The following TEX11 variants were observed in gnomAD, a reference collection of about 807,000 sequenced individuals.
TEX11 encodes the protein testis expressed 11, also known as testis-expressed protein 11.
In TEX11, 7 loss-of-function variants were observed where a neutral mutation model predicts 84.4. The observed-to-expected ratio is 0.08, with a 90% CI of 0.05 to 0.16. The LOEUF is 0.16. Among genes scored for constraint, TEX11 ranks in the 10% least tolerant of loss-of-function variants. The pLI is 1.00. For missense variants in TEX11, 551 were observed against 660.5 expected (o/e 0.83, Z 1.82); for synonymous variants, 264 against 222.8 (o/e 1.18, Z -1.64).
At chrX:70,740,616 A>C in intron 11 of TEX11, 85 bp downstream of exon 11, 1 of 608,609 alleles carries the variant, frequency 1.6e-6, no homozygotes. Flanking sequence ...TAAATGCTGA[A>C]GCAAATGTCT....
intron 18 of TEX11, among the ~76,000 whole-genome samples, chrX:70,626,269 G>A (rs1474302193): frequency 9.0e-6 from 1 of 110,771 alleles, no homozygotes; most frequent in Non-Finnish European, 1.9e-5. Flanking sequence ...AAAAATTTAA[G>A]GAGGCTCTCA....
chrX:70,705,760 T>A (rs899994716), intron 13 of TEX11, among the ~76,000 whole-genome samples: 3 of 111,399 alleles, frequency 2.7e-5, no homozygotes, highest in Admixed American at 9.6e-5. Flanking sequence ...CACAATGAGA[T>A]ACCATCTCAC....
intron 28 of TEX11, among the ~76,000 whole-genome samples, chrX:70,547,530 G>A (rs1006377140): frequency 9.0e-6 from 1 of 111,026 alleles, no homozygotes; most frequent in African/African-American, 3.3e-5. Context: ...CTGACAAAGG[G>A]CTAATATCCA....
intron 10 of TEX11, among the ~76,000 whole-genome samples, 162 bp from the exon 11 acceptor site, chrX:70,740,958 A>G (rs1357922646): frequency 8.9e-6 from 1 of 111,778 alleles, no homozygotes; most frequent in Non-Finnish European, 1.9e-5. Flanking sequence ...ATGTCTCATC[A>G]TTATGCTACC....
At chrX:70,790,698 C>A (rs1214197606) in intron 9 of TEX11, among the ~76,000 whole-genome samples, 1 of 111,871 alleles carries the variant, frequency 8.9e-6, no homozygotes, top group Non-Finnish European at 1.9e-5. Context: ...GCAACACCTC[C>A]CAAGGCTCCT....
intron 9 of TEX11, among the ~76,000 whole-genome samples, chrX:70,749,588 T>A (rs1343738086): frequency 2.0e-5 from 2 of 101,918 alleles, no homozygotes; most frequent in Non-Finnish European, 4.0e-5. Context: ...TATTTTGAAA[T>A]ACGTCCCATC....
At chrX:70,795,990 C>T (rs1424349793) in intron 9 of TEX11, among the ~76,000 whole-genome samples, 1 of 111,407 alleles carries the variant, frequency 9.0e-6, no homozygotes, top group Non-Finnish European at 1.9e-5. Flanking sequence ...AAAACATGCC[C>T]TTACCAAATG....
At chrX:70,864,423 C>G (rs1037801930) in intron 4 of TEX11, among the ~76,000 whole-genome samples, 2 of 110,715 alleles carry the variant, frequency 1.8e-5, no homozygotes, top group African/African-American at 6.6e-5. Flanking sequence ...CAGTGGGGGC[C>G]AATATTCAAC....
chrX:70,564,415 T>C (rs1053949234), intron 25 of TEX11, among the ~76,000 whole-genome samples: 76 of 111,213 alleles, frequency 6.8e-4, no homozygotes, highest in African/African-American at 2.4e-3. Flanking sequence ...TATTTTATTA[T>C]TATAATACTT....
At chrX:70,814,153 C>A (rs1310097981) in intron 8 of TEX11, among the ~76,000 whole-genome samples, 1 of 111,793 alleles carries the variant, frequency 8.9e-6, no homozygotes, top group East Asian at 2.8e-4. Flanking sequence ...AGTCAGTCCT[C>A]AGCCAAAAGA....
chrX:70,590,956 T>G (rs1027593820), intron 25 of TEX11, among the ~76,000 whole-genome samples: 1 of 110,518 alleles, frequency 9.0e-6, no homozygotes, highest in Non-Finnish European at 1.9e-5. Context: ...TCCGTGTTGG[T>G]CAGGCTGGCC....
chrX:70,623,611 A>G (rs943054515), intron 20 of TEX11, among the ~76,000 whole-genome samples: 1 of 112,192 alleles, frequency 8.9e-6, no homozygotes, highest in African/African-American at 3.2e-5. Context: ...AATGTTTCAC[A>G]TGTATTAACT....
chrX:70,770,399 A>C (rs2090965107), intron 9 of TEX11, among the ~76,000 whole-genome samples: 1 of 111,760 alleles, frequency 8.9e-6, no homozygotes, highest in Non-Finnish European at 1.9e-5. Context: ...TAAATATAAT[A>C]GTTCTTTTAA....
chrX:70,722,045 C>T (rs1264712124), intron 13 of TEX11, among the ~76,000 whole-genome samples: 1 of 111,629 alleles, frequency 9.0e-6, no homozygotes, highest in East Asian at 2.8e-4. Context: ...GGATATGAGG[C>T]ATATAGTTTC....
chrX:70,855,417 T>C (rs748273731), intron 5 of TEX11, among the ~76,000 whole-genome samples: 83 of 109,794 alleles, frequency 7.6e-4, no homozygotes, highest in Non-Finnish European at 1.4e-3. Context: ...ATACAAAAAA[T>C]TAGCTGGGCG....
chrX:70,712,306 G>T (rs911706325), intron 13 of TEX11, among the ~76,000 whole-genome samples: 11 of 111,532 alleles, frequency 9.9e-5, no homozygotes, highest in Non-Finnish European at 1.9e-4. Context: ...CTTTAAAGTA[G>T]CTTTTTCCAA....
intron 25 of TEX11, among the ~76,000 whole-genome samples, chrX:70,586,419 C>T (rs750761265): frequency 2.7e-5 from 3 of 111,707 alleles, no homozygotes; most frequent in Non-Finnish European, 3.8e-5. Flanking sequence ...AAATCATATA[C>T]CTGATAAGGG....
intron 20 of TEX11, 31 bp from the exon 21 acceptor site, chrX:70,610,574 T>C: frequency 8.5e-7 from 1 of 1,176,347 alleles, no homozygotes. Flanking sequence ...ATTTTCCAAC[T>C]GCTCCAAATC....
intron 14 of TEX11, among the ~76,000 whole-genome samples, chrX:70,679,739 T>G (rs1482695609): frequency 3.3e-5 from 3 of 91,210 alleles, no homozygotes; most frequent in Admixed American, 1.2e-4. Flanking sequence ...GGTGGGGGGG[T>G]CAGCCCCCCG....
Sources: allele counts gnomAD v4.1 joint callset (sites outside exome capture counted in the v4.1 genomes callset), GRCh38; gene constraint gnomAD v4.1.1; transcripts MANE v1.5; gene names NCBI Gene and HGNC (gene_info 2026-07-23, HGNC 2026-07-21).